Variants in EPHA7 observed in about 807,000 individuals in gnomAD.
The protein encoded by EPHA7 is ephrin type-A receptor 7.
Under a neutral mutation model 112.6 loss-of-function variants are expected in EPHA7, and 25 were observed. That is an observed-to-expected ratio of 0.22 (90% CI 0.16 to 0.31). The LOEUF is 0.31. Ranked by LOEUF, EPHA7 falls within the 10% of genes least tolerant of loss-of-function variation. The probability of loss-of-function intolerance (pLI) is 1.00; values close to 1 mark genes in which losing one functional copy is unlikely to be tolerated. For missense variants in EPHA7, 962 were observed against 1,212.6 expected, an observed-to-expected ratio of 0.79 and a Z score of 3.07; for synonymous variants, 437 against 406.5, an observed-to-expected ratio of 1.07 and a Z score of -0.90.
intron 3 of EPHA7, among the ~76,000 whole-genome samples, chr6:93,402,423 G>T (rs1337438208): frequency 6.6e-6 from 1 of 151,916 alleles, no homozygotes; most frequent in East Asian, 1.9e-4. Context: ...AGGTACACAA[G>T]AAACTAATAA....
intron 3 of EPHA7, among the ~76,000 whole-genome samples, chr6:93,394,492 G>C (rs1010662881): frequency 6.6e-6 from 1 of 151,650 alleles, no homozygotes; most frequent in African/African-American, 2.4e-5. Flanking sequence ...CACATGTTTA[G>C]TGTCTGTATG....
chr6:93,243,683 C>T, intron 16 of EPHA7, 143 bp from the exon 17 acceptor site: 1 of 602,590 alleles, frequency 1.7e-6, no homozygotes, highest in South Asian at 2.0e-5. Flanking sequence ...GATCACACCC[C>T]TGCAGCAGAT....
intron 5 of EPHA7, among the ~76,000 whole-genome samples, chr6:93,331,395 A>G (rs1028039431): frequency 1.3e-5 from 2 of 151,248 alleles, no homozygotes; most frequent in Non-Finnish European, 3.0e-5. Flanking sequence ...CAAATTCTGC[A>G]ACTCCTGAAT....
intron 5 of EPHA7, among the ~76,000 whole-genome samples, chr6:93,289,000 C>T (rs1220247728): frequency 6.6e-6 from 1 of 152,154 alleles, no homozygotes; most frequent in East Asian, 1.9e-4. Flanking sequence ...TTTATCACAG[C>T]ATGCAACTTT....
At chr6:93,284,570 G>A (rs1017448075) in intron 5 of EPHA7, among the ~76,000 whole-genome samples, 4 of 152,108 alleles carry the variant, frequency 2.6e-5, no homozygotes, top group African/African-American at 9.7e-5. Flanking sequence ...GTCCACAGTA[G>A]CAAAGTCATG....
intron 14 of EPHA7, among the ~76,000 whole-genome samples, chr6:93,252,563 A>G (rs1250440898): frequency 6.6e-6 from 1 of 151,958 alleles, no homozygotes; most frequent in African/African-American, 2.4e-5. Context: ...TTATCTAGAA[A>G]ATTTTATCCC....
At chr6:93,306,236 T>C (rs1456875677) in intron 5 of EPHA7, among the ~76,000 whole-genome samples, 2 of 151,952 alleles carry the variant, frequency 1.3e-5, no homozygotes, top group African/African-American at 4.8e-5. Flanking sequence ...ATTTTGCTGA[T>C]AGGCCAGAGA....
At chr6:93,297,234 T>C (rs1179893321) in intron 5 of EPHA7, among the ~76,000 whole-genome samples, 1 of 152,048 alleles carries the variant, frequency 6.6e-6, no homozygotes, top group Non-Finnish European at 1.5e-5. Flanking sequence ...ATTTTACAGA[T>C]AGGATACAGG....
intron 5 of EPHA7, among the ~76,000 whole-genome samples, chr6:93,352,515 C>T (rs1775743857): frequency 6.6e-6 from 1 of 152,038 alleles, no homozygotes; most frequent in Admixed American, 6.6e-5. Flanking sequence ...TTCATTTGTT[C>T]TCTGAATGAA....
chr6:93,288,149 T>G (rs1772168052), intron 5 of EPHA7, among the ~76,000 whole-genome samples: 1 of 152,190 alleles, frequency 6.6e-6, no homozygotes, highest in Non-Finnish European at 1.5e-5. Context: ...AGCAATATTA[T>G]TCATATAGCC....
intron 5 of EPHA7, among the ~76,000 whole-genome samples, chr6:93,352,376 G>C (rs1775737253): frequency 6.6e-6 from 1 of 152,072 alleles, no homozygotes; most frequent in Non-Finnish European, 1.5e-5. Flanking sequence ...CAATTACCAT[G>C]TTCTGATTAC....
At chr6:93,287,183 GTAA>G (rs1772109049) in intron 5 of EPHA7, among the ~76,000 whole-genome samples, 2 of 152,210 alleles carry the variant, frequency 1.3e-5, no homozygotes, top group East Asian at 3.9e-4. Context: ...AAGATTTTGT[GTAA>G]ACTCTCCCAT....
At chr6:93,245,535 A>G in intron 15 of EPHA7, 82 bp from the exon 16 acceptor site, 1 of 1,406,754 alleles carries the variant, frequency 7.1e-7, no homozygotes, top group Non-Finnish European at 9.6e-7. Flanking sequence ...AAATTAAGGT[A>G]TAAAGAACAA....
At chr6:93,247,341 T>G (rs1769998991) in intron 14 of EPHA7, among the ~76,000 whole-genome samples, 2 of 152,196 alleles carry the variant, frequency 1.3e-5, no homozygotes, top group Non-Finnish European at 2.9e-5. Context: ...TGCCCATACA[T>G]TTAATAATTC....
At chr6:93,369,999 A>G (rs1247187844) in intron 3 of EPHA7, among the ~76,000 whole-genome samples, 1 of 152,164 alleles carries the variant, frequency 6.6e-6, no homozygotes, top group East Asian at 1.9e-4. Flanking sequence ...TCAGTCTTTA[A>G]GTCTCCCTGT....
intron 9 of EPHA7, among the ~76,000 whole-genome samples, chr6:93,262,499 T>C (rs1028733456): frequency 9.9e-5 from 15 of 151,438 alleles, no homozygotes; most frequent in Non-Finnish European, 1.9e-4. Context: ...ATTATATACA[T>C]AAATTTGCTA....
At chr6:93,266,159 G>C (rs758761432) in intron 7 of EPHA7, among the ~76,000 whole-genome samples, 2 of 151,704 alleles carry the variant, frequency 1.3e-5, no homozygotes, top group South Asian at 4.1e-4. Flanking sequence ...ACAGAGAAAA[G>C]ATGACTTCAA....
intron 14 of EPHA7, among the ~76,000 whole-genome samples, chr6:93,248,029 C>T (rs967079276): frequency 1.3e-4 from 19 of 151,844 alleles, no homozygotes; most frequent in African/African-American, 4.1e-4. Flanking sequence ...TCGGAGAACA[C>T]TAAAACAGCA....
chr6:93,348,681 T>A (rs1775531822), intron 5 of EPHA7, among the ~76,000 whole-genome samples: 1 of 151,932 alleles, frequency 6.6e-6, no homozygotes. Flanking sequence ...TATTAACTTA[T>A]GTACTCATTG....
Sources: gnomAD v4.1 joint callset for allele counts (sites outside exome capture counted in the v4.1 genomes callset) on GRCh38, gnomAD v4.1.1 for gene constraint, MANE v1.5 for transcripts, NCBI Gene and HGNC (gene_info 2026-07-23, HGNC 2026-07-21) for gene names.